Variants in UXS1 observed in about 807,000 individuals in gnomAD.
UXS1 encodes the protein UDP-glucuronate decarboxylase 1, also known as UDP-glucuronic acid decarboxylase 1.
Under a neutral mutation model 62.6 loss-of-function variants are expected in UXS1, and 33 were observed. The observed-to-expected ratio is 0.53, with a 90% CI of 0.40 to 0.70. The LOEUF (loss-of-function observed/expected upper bound fraction) is 0.70, where lower values mean the gene tolerates loss of function less well. UXS1 is among the 30% of genes least tolerant of loss of function. The pLI is 0.00. For synonymous variants in UXS1, 213 were observed against 206.8 expected, an observed-to-expected ratio of 1.03 and a Z score of -0.26; for missense variants, 434 against 556.3, an observed-to-expected ratio of 0.78 and a Z score of 2.21.
intron 1 of UXS1, among the ~76,000 whole-genome samples, chr2:106,178,694 G>A (rs1188913652): frequency 6.6e-6 from 1 of 152,064 alleles, no homozygotes; most frequent in Non-Finnish European, 1.5e-5. Context: ...ACATGGAGTA[G>A]GGCCCATGGG....
chr2:106,171,061 A>G (rs1573559816), intron 1 of UXS1, among the ~76,000 whole-genome samples: 1 of 152,236 alleles, frequency 6.6e-6, no homozygotes, highest in Non-Finnish European at 1.5e-5. Context: ...ACAGCTTTCA[A>G]GATATTTTAA....
chr2:106,151,045 G>T (rs1474143175), intron 5 of UXS1, among the ~76,000 whole-genome samples: 1 of 152,204 alleles, frequency 6.6e-6, no homozygotes, highest in Non-Finnish European at 1.5e-5. Context: ...TTTGGAATGG[G>T]AATGTTTATC....
In UXS1 at chr2:106,177,630, T is replaced by A. The variant is rs573505234; in HGVS notation, c.95-11547A>T. The stretch of plus-strand genomic sequence containing the variant: ...TCACAAGAAGAAACTTTTGAACACC[T>A]TTTTTAAGTCTGTACAGGATGCTGC... On this transcript the variant is annotated intron_variant, in intron 1 of 14. Transcript: ENST00000283148. 2.6e-5 allele frequency among the ~76,000 whole-genome samples: 4 copies of A among 152,230 alleles called. No individual in the cohort carries two copies. In the South Asian group the frequency reaches 8.3e-4, roughly 31 times the overall value.
At chr2:106,176,388 A>T (rs1683881483) in intron 1 of UXS1, among the ~76,000 whole-genome samples, 1 of 152,258 alleles carries the variant, frequency 6.6e-6, no homozygotes, top group South Asian at 2.1e-4. Flanking sequence ...GAAGAAAAGC[A>T]TTCAAAGTTT....
In UXS1 at chr2:106,160,904, C is replaced by T. The variant is rs149712548; in HGVS notation, c.230+2763G>A. ...CCAAGTTTTAGATTTCATATGTATACGCTCAAGTAATTAAACTTTTAAAAA... is the reference window on the plus strand; with the variant it reads ...CCAAGTTTTAGATTTCATATGTATATGCTCAAGTAATTAAACTTTTAAAAA... On this transcript the variant is annotated intron_variant, in intron 4 of 14. Transcript: ENST00000283148. 1.7e-4 allele frequency among the ~76,000 whole-genome samples: 26 copies of T among 152,340 alleles called. No homozygotes were observed. The East Asian group carries it at 4.4e-3, about 26-fold the overall frequency.
intron 14 of UXS1, among the ~76,000 whole-genome samples, chr2:106,095,282 CA>C (rs1676983845): frequency 1.3e-5 from 2 of 152,176 alleles, no homozygotes; most frequent in Admixed American, 1.3e-4. Context: ...TTCAAAAAAA[CA>C]AGAAACCTAG....
At chr2:106,168,015 G>T (rs946692685) in intron 1 of UXS1, among the ~76,000 whole-genome samples, 2 of 152,132 alleles carry the variant, frequency 1.3e-5, no homozygotes, top group Admixed American at 1.3e-4. Flanking sequence ...TACAAAATTA[G>T]CTGGGCATGG....
intron 1 of UXS1, among the ~76,000 whole-genome samples, chr2:106,187,089 A>G (rs1222457631): frequency 6.6e-6 from 1 of 152,156 alleles, no homozygotes. Context: ...TAAGAAAAAG[A>G]AAAATGTGGA....
chr2:106,152,405 T>G (rs1191175079), intron 5 of UXS1, among the ~76,000 whole-genome samples: 1 of 144,894 alleles, frequency 6.9e-6, no homozygotes, highest in African/African-American at 2.6e-5. Flanking sequence ...TGACCCAAGA[T>G]CATGCCACTG....
intron 1 of UXS1, among the ~76,000 whole-genome samples, chr2:106,187,396 T>A (rs981281312): frequency 7.2e-5 from 11 of 152,276 alleles, no homozygotes; most frequent in African/African-American, 2.6e-4. Flanking sequence ...GTCACAGTGA[T>A]ATCTAACTTG....
chr2:106,096,357 GT>G (rs1677101236), intron 14 of UXS1, among the ~76,000 whole-genome samples: 1 of 152,152 alleles, frequency 6.6e-6, no homozygotes, highest in Non-Finnish European at 1.5e-5. Context: ...AAGTGTGTTT[GT>G]ATGACAGTGT....
intron 1 of UXS1, among the ~76,000 whole-genome samples, chr2:106,181,051 C>G (rs933451414): frequency 1.3e-5 from 2 of 152,176 alleles, no homozygotes; most frequent in Admixed American, 1.3e-4. Context: ...TCTGATGGAA[C>G]GAACAGATAC....
At chr2:106,137,872 C>G (rs544185224) in intron 6 of UXS1, among the ~76,000 whole-genome samples, 1 of 151,916 alleles carries the variant, frequency 6.6e-6, no homozygotes, top group Non-Finnish European at 1.5e-5. Context: ...GAGCCGAGTA[C>G]GACACCACAG....
At chr2:106,166,955 T>C (rs1368158675) in intron 1 of UXS1, among the ~76,000 whole-genome samples, 1 of 152,200 alleles carries the variant, frequency 6.6e-6, no homozygotes, top group Non-Finnish European at 1.5e-5. Context: ...GTAATGATGA[T>C]GAAAGCAAAC....
chr2:106,179,644 C>T (rs1431890563), intron 1 of UXS1: 1 of 152,322 alleles, frequency 6.6e-6, no homozygotes, highest in Non-Finnish European at 1.5e-5. Context: ...GGGTTTCACT[C>T]TTATTCAAGA....
chr2:106,191,477 G>C (rs1322883092), intron 1 of UXS1, among the ~76,000 whole-genome samples: 2 of 152,182 alleles, frequency 1.3e-5, no homozygotes, highest in African/African-American at 4.8e-5. Context: ...CTGCAGAGTG[G>C]CTCAGACTTA....
chr2:106,194,027 C>T (rs1685109920), intron 1 of UXS1, 121 bp downstream of exon 1: 2 of 674,484 alleles, frequency 3.0e-6, no homozygotes, highest in Admixed American at 4.7e-5. Context: ...CGGCCCCGCC[C>T]GGGGCGGGGA....
intron 9 of UXS1, among the ~76,000 whole-genome samples, chr2:106,116,795 T>A (rs1468394985): frequency 6.6e-6 from 1 of 152,176 alleles, no homozygotes; most frequent in East Asian, 1.9e-4. Flanking sequence ...GGAAACTGCA[T>A]GGAGCACATG....
chr2:106,101,083 C>G lies in UXS1; in HGVS notation c.959G>C (p.Ser320Thr). 7 of 1,613,866 alleles carry G rather than the reference C, an allele frequency of 4.3e-6. No individual in the cohort carries two copies. The highest frequency in any genetic ancestry group is 5.9e-6 in the Non-Finnish European group (7 of 1,179,884). ...LVNGLVALMN[S>T]NVSSPVNLGN... is the part of the protein sequence containing the mutation. ...CAGGTTGACCGGGCTGCTGACGTTG[C>G]TGTTCATGAGAGCCACGAGGCCATT... Residue 320 changes from serine to threonine, a missense_variant, in exon 12 of 15, where the codon AGC (serine) becomes ACC (threonine). Physicochemically the swap from Ser to Thr is moderately conservative, Grantham distance 58 (BLOSUM62 1). This residue lies in a region of UXS1 where 209 missense variants were observed against 233.3 expected (regional missense o/e 0.90). Coordinates refer to ENST00000283148, the MANE Select transcript of UXS1 (RefSeq NM_001253875.2).
Sources: allele counts gnomAD v4.1 joint callset (sites outside exome capture counted in the v4.1 genomes callset), GRCh38; gene constraint gnomAD v4.1.1; regional missense constraint gnomAD v4.1.1; transcripts MANE v1.5; gene names NCBI Gene and HGNC (gene_info 2026-07-23, HGNC 2026-07-21).